The following SCP2 variants were observed in gnomAD, a reference collection of about 807,000 sequenced individuals.
SCP2 encodes sterol carrier protein 2.
A neutral mutation model predicts 71.4 loss-of-function variants in SCP2; 48 were observed. The observed-to-expected ratio is 0.67, with a 90% CI of 0.53 to 0.86. The LOEUF is 0.86. SCP2 is among the 40% of genes least tolerant of loss of function. SCP2 has a pLI of 0.00. For missense variants in SCP2, 560 were observed against 655.6 expected (o/e 0.85, Z 1.59); for synonymous variants, 220 against 218.1 (o/e 1.01, Z -0.08).
At chr1:52,978,760 G>C (rs1658209429) in intron 9 of SCP2, among the ~76,000 whole-genome samples, 1 of 152,000 alleles carries the variant, frequency 6.6e-6, no homozygotes, top group Non-Finnish European at 1.5e-5. Context: ...ACACAGTTTT[G>C]CCATGTTTCC....
chr1:52,950,285 T>C (rs560761809), intron 3 of SCP2, among the ~76,000 whole-genome samples: 9 of 152,250 alleles, frequency 5.9e-5, no homozygotes, highest in African/African-American at 2.2e-4. Context: ...CATGCCTGGC[T>C]AATTTTTTGT....
rs1387336510 is a variant in SCP2, at chr1:52,953,158, T to C, written c.332-1582T>C. Reference sequence around the variant, plus strand: ...TTAGGGGCCCCCCTCTCTCCAAAAATAATTCTTTTGAGATTTTCACTGGGT... The same window carrying C: ...TTAGGGGCCCCCCTCTCTCCAAAAACAATTCTTTTGAGATTTTCACTGGGT... On this transcript the variant is annotated intron_variant, in intron 4 of 15. Coordinates refer to ENST00000371514, the MANE Select transcript of SCP2 (RefSeq NM_002979.5). Among the ~76,000 whole-genome samples, 21 of 150,936 alleles carry C rather than the reference T, an allele frequency of 1.4e-4. 2 individuals are homozygous for C. The Admixed American group carries it at 1.4e-3, about 10-fold the overall frequency.
At chr1:53,036,019 C>CAAAAAAAAAAAAAAAAAAAAAA in intron 13 of SCP2, among the ~76,000 whole-genome samples, 1 of 63,292 alleles carries the variant, frequency 1.6e-5, no homozygotes, top group Non-Finnish European at 3.6e-5. Context: ...GACTCCGTCT[C>CAAAAAAAAAAAAAAAAAAAAAA]AAAAAAAAAA....
chr1:52,970,968 ATTTTTTTTTTTT>A (rs1200663958), intron 6 of SCP2, among the ~76,000 whole-genome samples: 10 of 70,976 alleles, frequency 1.4e-4, no homozygotes, highest in Non-Finnish European at 2.0e-4. Context: ...AGAGACACAG[ATTTTTTTTTTTT>A]TTTTTTTTTT....
At chr1:52,954,657 A>G (rs953317373) in intron 4 of SCP2, 83 bp from the exon 5 acceptor site, 2 of 1,108,358 alleles carry the variant, frequency 1.8e-6, no homozygotes, top group Non-Finnish European at 2.8e-6. Flanking sequence ...CACTTGACGT[A>G]CTTATTTGAA....
chr1:52,995,079 T>TGTG (rs879074746), intron 11 of SCP2: 15 of 499,518 alleles, frequency 3.0e-5, no homozygotes, highest in South Asian at 2.4e-4. Context: ...CAGTTGTAGA[T>TGTG]GTGGTGCAGG....
intron 3 of SCP2, among the ~76,000 whole-genome samples, chr1:52,948,397 G>A (rs1354701480): frequency 1.3e-5 from 2 of 152,106 alleles, no homozygotes; most frequent in Non-Finnish European, 2.9e-5. Flanking sequence ...TATAATCCCA[G>A]CACTTTGGGA....
rs866808857 is a variant in SCP2 at position 52,954,814 on chromosome 1, A to G, written c.396+10A>G. 2 of 1,608,622 alleles carry G rather than the reference A, an allele frequency of 1.2e-6. No individual in the cohort carries two copies. The highest frequency in any genetic ancestry group is 1.7e-4 in the Middle Eastern group (1 of 6,048). ...AAGCCTTGGAATAAAAGTGAGTGTT[A>G]TTTTGGCATAGTTACTAAATGAGCT... On this transcript the variant is annotated intron_variant, in intron 5 of 15. Transcript: ENST00000371514.
chr1:52,954,149 A>T (rs1655583214), intron 4 of SCP2, among the ~76,000 whole-genome samples: 1 of 149,822 alleles, frequency 6.7e-6, no homozygotes, highest in Admixed American at 6.6e-5. Flanking sequence ...TCTCTACAAA[A>T]AATAAAAAAA....
At chr1:52,993,337 T>C (rs905400252) in intron 11 of SCP2, 1 of 1,614,204 alleles carries the variant, frequency 6.2e-7, no homozygotes, top group Admixed American at 1.7e-5. Flanking sequence ...TCCTAATCTT[T>C]GCTGATGCCT....
At chr1:52,972,481 C>A (rs1050459081) in intron 6 of SCP2, among the ~76,000 whole-genome samples, 3 of 152,174 alleles carry the variant, frequency 2.0e-5, no homozygotes, top group African/African-American at 7.2e-5. Flanking sequence ...ATGTCAGACA[C>A]CATGCCAAGT....
intron 11 of SCP2, among the ~76,000 whole-genome samples, chr1:53,001,201 T>C (rs1340680186): frequency 2.6e-5 from 4 of 152,086 alleles, no homozygotes; most frequent in Non-Finnish European, 5.9e-5. Context: ...AATACTTATA[T>C]ATTTAAATAA....
chr1:52,927,647 C>G (rs540882901), intron 1 of SCP2, among the ~76,000 whole-genome samples, 182 bp downstream of exon 1: 2 of 152,212 alleles, frequency 1.3e-5, no homozygotes, highest in Admixed American at 6.5e-5. Flanking sequence ...GTTCCTGCGG[C>G]CTTCTGCTTC....
At position 53,051,206 on chromosome 1, in the gene SCP2, T is replaced by C. The variant is rs1026467517; in HGVS notation, c.*502T>C. On this transcript the variant is annotated 3_prime_UTR_variant, in exon 16 of 16. Coordinates refer to ENST00000371514, the MANE Select transcript of SCP2 (RefSeq NM_002979.5). ...ATTAGTGAGATTAAAAATCTAAAAA[T>C]TTTGCATTTCATGCTATCAGAAACA... 1 of 152,448 alleles carries C rather than the reference T, an allele frequency of 6.6e-6. No individual in the cohort carries two copies. The highest frequency in any genetic ancestry group is 1.5e-5 in the Non-Finnish European group (1 of 68,228). 9.4% of individuals were successfully genotyped at this position (152,448 alleles called of 1,614,324 possible).
chr1:52,950,980 T>C, intron 4 of SCP2, 94 bp downstream of exon 4: 1 of 1,442,544 alleles, frequency 6.9e-7, no homozygotes, highest in Non-Finnish European at 9.7e-7. Context: ...ATGTATTTGT[T>C]TTAAAAAAGT....
chr1:53,017,102 G>T (rs1661388196), intron 12 of SCP2, among the ~76,000 whole-genome samples: 1 of 152,134 alleles, frequency 6.6e-6, no homozygotes, highest in Non-Finnish European at 1.5e-5. Flanking sequence ...TTTTACGTAA[G>T]AGAGGAGCTT....
intron 14 of SCP2, among the ~76,000 whole-genome samples, chr1:53,046,966 T>C (rs1557635261): frequency 6.6e-6 from 1 of 152,260 alleles, no homozygotes; most frequent in Non-Finnish European, 1.5e-5. Context: ...ACAGCTTAGC[T>C]GGGTCCTCTG....
intron 4 of SCP2, 112 bp downstream of exon 4, chr1:52,950,998 A>T (rs1655240459): frequency 1.6e-6 from 2 of 1,263,958 alleles, no homozygotes; most frequent in Non-Finnish European, 2.3e-6. Context: ...AGTCTTCATC[A>T]GGCCGGGTGT....
At position 53,050,744 on chromosome 1, in the gene SCP2, A is replaced by G. The variant is rs373008388; in HGVS notation, c.*40A>G. On this transcript the variant is annotated 3_prime_UTR_variant, in exon 16 of 16. Coordinates refer to ENST00000371514, the MANE Select transcript of SCP2 (RefSeq NM_002979.5). ...CTACTTTTGAAAATCAAGATGAGAT[A>G]TATAGATATATATCCATACATTTTA... The G allele has an allele frequency of 5.0e-6, 6 of 1,210,686 alleles. No individual in the cohort carries two copies. The highest frequency in any genetic ancestry group is 4.5e-5 in the African/African-American group (3 of 66,710). 75.0% of individuals were successfully genotyped at this position (1,210,686 alleles called of 1,614,324 possible). A position where few individuals can be genotyped will look rare whatever the true frequency, so the allele number is the denominator to read the frequency against.
Sources: allele counts gnomAD v4.1 joint callset (sites outside exome capture counted in the v4.1 genomes callset), GRCh38; gene constraint gnomAD v4.1.1; transcripts MANE v1.5; gene names NCBI Gene and HGNC (gene_info 2026-07-23, HGNC 2026-07-21).